Variants in DGKI observed in about 807,000 individuals in gnomAD.
DGKI encodes DAG kinase iota.
A neutral mutation model predicts 147.5 loss-of-function variants in DGKI; 55 were observed. That is an observed-to-expected ratio of 0.37 (90% CI 0.30 to 0.47). The LOEUF (loss-of-function observed/expected upper bound fraction) is 0.47, where lower values mean the gene tolerates loss of function less well. DGKI is among the 20% of genes least tolerant of loss of function. The probability of loss-of-function intolerance (pLI) is 1.00; values close to 1 mark genes in which losing one functional copy is unlikely to be tolerated. For missense variants in DGKI, 1,007 were observed against 1,323.8 expected (o/e 0.76, Z 3.71); for synonymous variants, 469 against 477.1 (o/e 0.98, Z 0.22).
At chr7:137,696,724 A>G (rs968018361) in intron 1 of DGKI, among the ~76,000 whole-genome samples, 26 of 76,664 alleles carry the variant, frequency 3.4e-4, no homozygotes, top group African/African-American at 8.8e-4. Context: ...GAGAATGGAG[A>G]AAAAATAATC....
At chr7:137,519,675 T>C (rs1816897339) in intron 21 of DGKI, among the ~76,000 whole-genome samples, 2 of 152,106 alleles carry the variant, frequency 1.3e-5, no homozygotes, top group Non-Finnish European at 2.9e-5. Context: ...GTTTGAGCCC[T>C]GTCAGCCTTC....
chr7:137,556,807 CTTG>C (rs1189965691), intron 19 of DGKI, among the ~76,000 whole-genome samples: 2 of 152,128 alleles, frequency 1.3e-5, no homozygotes, highest in Non-Finnish European at 2.9e-5. Context: ...TTTAAGGAAT[CTTG>C]TTGTCATGTT....
chr7:137,446,729 AAAAGAAAG>A (rs369085489), intron 27 of DGKI, among the ~76,000 whole-genome samples: 1 of 152,170 alleles, frequency 6.6e-6, no homozygotes, highest in Non-Finnish European at 1.5e-5. Flanking sequence ...TCTGTCTCAA[AAAAGAAAG>A]AAAGAAAGAG....
At chr7:137,648,317 A>G (rs1014644313) in intron 5 of DGKI, among the ~76,000 whole-genome samples, 1 of 152,234 alleles carries the variant, frequency 6.6e-6, no homozygotes, top group African/African-American at 2.4e-5. Flanking sequence ...GTGTGAAATC[A>G]TGGCTGACTC....
intron 21 of DGKI, among the ~76,000 whole-genome samples, chr7:137,514,695 G>T (rs182481601): frequency 6.6e-6 from 1 of 152,112 alleles, no homozygotes; most frequent in Non-Finnish European, 1.5e-5. Context: ...GCAATACAGC[G>T]AATCCATCAT....
intron 2 of DGKI, among the ~76,000 whole-genome samples, chr7:137,685,753 T>C (rs1209876265): frequency 1.3e-5 from 2 of 152,152 alleles, no homozygotes; most frequent in Non-Finnish European, 2.9e-5. Flanking sequence ...GATGTCCTTG[T>C]GAAGAGTAGG....
intron 27 of DGKI, among the ~76,000 whole-genome samples, chr7:137,452,482 T>C (rs1814008637): frequency 6.6e-6 from 1 of 152,170 alleles, no homozygotes; most frequent in Non-Finnish European, 1.5e-5. Flanking sequence ...TACAAATAAG[T>C]ACACCACTCC....
chr7:137,448,837 C>A (rs987772036), intron 27 of DGKI, among the ~76,000 whole-genome samples: 6 of 152,016 alleles, frequency 3.9e-5, no homozygotes, highest in African/African-American at 1.4e-4. Context: ...GCAAAAAGAG[C>A]AAAAGTCTGC....
At chr7:137,735,933 T>C (rs1025126420) in intron 1 of DGKI, among the ~76,000 whole-genome samples, 3 of 152,074 alleles carry the variant, frequency 2.0e-5, no homozygotes, top group Non-Finnish European at 4.4e-5. Context: ...TTGCATGCTT[T>C]TGTGGACTCT....
chr7:137,665,167 T>C (rs891714964), intron 3 of DGKI, among the ~76,000 whole-genome samples: 6 of 152,120 alleles, frequency 3.9e-5, no homozygotes, highest in African/African-American at 1.4e-4. Flanking sequence ...CTTTTTTTCC[T>C]GAAAGAGAAT....
At chr7:137,449,952 A>AT (rs770412522) in intron 27 of DGKI, among the ~76,000 whole-genome samples, 2 of 152,226 alleles carry the variant, frequency 1.3e-5, no homozygotes, top group East Asian at 1.9e-4. Context: ...CTAGTCAGCC[A>AT]TAAAAAAAAG....
intron 23 of DGKI, among the ~76,000 whole-genome samples, chr7:137,477,817 C>T (rs773258171): frequency 2.6e-5 from 4 of 152,054 alleles, no homozygotes; most frequent in African/African-American, 7.2e-5. Context: ...CTACAGCGCC[C>T]GGCTAATTTT....
chr7:137,828,131 C>A (rs933742492), intron 1 of DGKI, among the ~76,000 whole-genome samples: 17 of 152,200 alleles, frequency 1.1e-4, no homozygotes, highest in African/African-American at 3.9e-4. Context: ...GCCATAAATT[C>A]TTGATAACAG....
intron 1 of DGKI, among the ~76,000 whole-genome samples, chr7:137,776,611 G>C (rs991332937): frequency 6.6e-6 from 1 of 152,158 alleles, no homozygotes; most frequent in African/African-American, 2.4e-5. Context: ...TCTGAGGAAG[G>C]TGTACTTAAA....
At chr7:137,783,044 C>T (rs1440572008) in intron 1 of DGKI, among the ~76,000 whole-genome samples, 3 of 152,156 alleles carry the variant, frequency 2.0e-5, no homozygotes, top group Non-Finnish European at 4.4e-5. Context: ...ACCAGAAAAA[C>T]AATTCTGGTA....
chr7:137,769,897 T>C (rs1007849365), intron 1 of DGKI, among the ~76,000 whole-genome samples: 14 of 152,332 alleles, frequency 9.2e-5, no homozygotes, highest in African/African-American at 3.4e-4. Context: ...AGTTCAACCA[T>C]TGTGGAAGCC....
intron 1 of DGKI, among the ~76,000 whole-genome samples, chr7:137,698,844 T>C (rs1823883005): frequency 6.6e-6 from 1 of 152,030 alleles, no homozygotes; most frequent in African/African-American, 2.4e-5. Context: ...CTCCAAAGGC[T>C]CTCTCACTCT....
intron 28 of DGKI, among the ~76,000 whole-genome samples, chr7:137,427,907 C>T (rs1292701893): frequency 6.6e-6 from 1 of 151,084 alleles, no homozygotes; most frequent in East Asian, 1.9e-4. Context: ...TGGCAATAAT[C>T]AATAGCTTAC....
intron 10 of DGKI, among the ~76,000 whole-genome samples, chr7:137,604,827 A>G (rs1820118904): frequency 6.6e-6 from 1 of 152,218 alleles, no homozygotes; most frequent in Admixed American, 6.5e-5. Context: ...ACAGGATTCT[A>G]TAAAACTCAG....
Sources: gnomAD v4.1 joint callset for allele counts (sites outside exome capture counted in the v4.1 genomes callset) on GRCh38, gnomAD v4.1.1 for gene constraint, MANE v1.5 for transcripts, NCBI Gene and HGNC (gene_info 2026-07-23, HGNC 2026-07-21) for gene names.